MEF2B: variants seen among roughly 807,000 people sequenced by gnomAD.
The protein encoded by MEF2B is myocyte enhancer factor 2B.
Under a neutral mutation model 32.2 loss-of-function variants are expected in MEF2B, and 15 were observed. That is an observed-to-expected ratio of 0.47 (90% confidence interval 0.31 to 0.72). The LOEUF (loss-of-function observed/expected upper bound fraction) is 0.72. MEF2B is among the 30% of genes least tolerant of loss of function. The pLI is 0.05. For missense variants in MEF2B, 441 were observed against 511.5 expected (o/e 0.86, Z 1.33); for synonymous variants, 205 against 225.6 (o/e 0.91, Z 0.82).
At chr19:19,147,627 T>C (rs962471803) in intron 4 of MEF2B, 71 bp downstream of exon 4, 4 of 1,581,576 alleles carry the variant, frequency 2.5e-6, no homozygotes, top group East Asian at 2.2e-5. Context: ...CCTCTCTCAG[T>C]ACCAGCCTCA....
At chr19:19,168,569 G>A (rs1476058950) in intron 1 of MEF2B, among the ~76,000 whole-genome samples, 1 of 151,210 alleles carries the variant, frequency 6.6e-6, no homozygotes, top group African/African-American at 2.4e-5. Flanking sequence ...CACCGCGCCT[G>A]GCCATTTTTT....
At chr19:19,150,567 C>A (rs1176517702) in intron 2 of MEF2B, 115 bp downstream of exon 2, 20 of 1,153,986 alleles carry the variant, frequency 1.7e-5, no homozygotes, top group Non-Finnish European at 2.2e-5. Context: ...GGCATCAGGA[C>A]TCCTCATGCC....
intron 1 of MEF2B, among the ~76,000 whole-genome samples, 169 bp downstream of exon 1, chr19:19,170,036 C>G (rs921346149): frequency 2.0e-5 from 3 of 152,144 alleles, no homozygotes; most frequent in Non-Finnish European, 4.4e-5. Flanking sequence ...GGAGACACAA[C>G]CCCCTCCTGC....
In MEF2B at chr19:19,157,014, G is replaced by A. The variant is rs79970931; in HGVS notation, c.-29-6250C>T. On this transcript the variant is annotated intron_variant, in intron 1 of 8. Coordinates refer to ENST00000424583, the MANE Select transcript of MEF2B (RefSeq NM_001145785.2). The stretch of plus-strand genomic sequence containing the variant: ...AAAAAGTAAAAATTAGCTGCACGCC[G>A]TGGCACACACCTGTAGTCCTGGCTA... 920 of 169,958 alleles carry A rather than the reference G, an allele frequency of 5.4e-3. 5 individuals carry two copies. The highest frequency in any genetic ancestry group is 1.0e-2 in the Middle Eastern group (10 of 1,004). 10.5% of individuals were successfully genotyped at this position (169,958 alleles called of 1,614,324 possible).
intron 1 of MEF2B, among the ~76,000 whole-genome samples, chr19:19,151,158 T>A (rs1012736919): frequency 6.6e-6 from 1 of 151,968 alleles, no homozygotes; most frequent in Non-Finnish European, 1.5e-5. Context: ...GTGGCTGAAG[T>A]AGGATGATCA....
At chr19:19,153,088 C>A (rs2146363440) in intron 1 of MEF2B, among the ~76,000 whole-genome samples, 1 of 152,338 alleles carries the variant, frequency 6.6e-6, no homozygotes, top group East Asian at 1.9e-4. Context: ...GGTCCCAGGG[C>A]CAAGATGACT....
intron 1 of MEF2B, 144 bp from the exon 2 acceptor site, chr19:19,150,908 G>A (rs539098054): frequency 3.9e-5 from 38 of 969,940 alleles, no homozygotes; most frequent in South Asian, 3.0e-4. Flanking sequence ...GGTCACTGTC[G>A]CAGACCCCGC....
At chr19:19,162,829 C>T (rs1209564091) in intron 1 of MEF2B, among the ~76,000 whole-genome samples, 3 of 152,190 alleles carry the variant, frequency 2.0e-5, no homozygotes, top group African/African-American at 4.8e-5. Context: ...ATCCTAAACC[C>T]GCCACTTGCC....
At chr19:19,164,849 T>A (rs1038625190) in intron 1 of MEF2B, among the ~76,000 whole-genome samples, 4 of 152,204 alleles carry the variant, frequency 2.6e-5, no homozygotes, top group Admixed American at 6.5e-5. Flanking sequence ...CCCCTAGTGA[T>A]GTCCCCTAAG....
chr19:19,157,101 G>A (rs12162274), intron 1 of MEF2B: 32,689 of 241,100 alleles, frequency 0.14, 2,646 homozygotes, highest in East Asian at 0.33. Flanking sequence ...AGTGAGCGAT[G>A]ATGATCTTGT....
chr19:19,168,193 G>C (rs2060224419), intron 1 of MEF2B, among the ~76,000 whole-genome samples: 1 of 152,160 alleles, frequency 6.6e-6, no homozygotes, highest in Non-Finnish European at 1.5e-5. Context: ...CAAGGTCCAG[G>C]GGCCCTGCCC....
chr19:19,156,268 A>G (rs1003699811), intron 1 of MEF2B, among the ~76,000 whole-genome samples: 2 of 152,096 alleles, frequency 1.3e-5, no homozygotes, highest in Non-Finnish European at 2.9e-5. Flanking sequence ...TTAAAAAGGT[A>G]ATAAAGTGGG....
At chr19:19,155,071 C>T (rs1388884426) in intron 1 of MEF2B, among the ~76,000 whole-genome samples, 4 of 152,176 alleles carry the variant, frequency 2.6e-5, no homozygotes, top group African/African-American at 9.7e-5. Context: ...GGAACCAAAG[C>T]CATCCTCCAC....
chr19:19,146,960 C>G, intron 5 of MEF2B, 76 bp downstream of exon 5: 3 of 1,564,242 alleles, frequency 1.9e-6, no homozygotes, highest in South Asian at 2.4e-5. Flanking sequence ...ATGCACGCAG[C>G]CTGGCAATGC....
At chr19:19,167,430 G>A (rs930642496) in intron 1 of MEF2B, among the ~76,000 whole-genome samples, 15 of 151,736 alleles carry the variant, frequency 9.9e-5, no homozygotes, top group Non-Finnish European at 2.1e-4. Context: ...GCTGAGGCAG[G>A]AGGATCACTT....
In MEF2B at chr19:19,147,292, C is replaced by T. The variant is rs375607272; in HGVS notation, c.394-109G>A. 12 of 1,162,580 alleles carry T rather than the reference C, an allele frequency of 1.0e-5. 4 individuals are homozygous for T. The East Asian group carries it at 3.4e-4, about 33-fold the overall frequency. 72.0% of individuals were successfully genotyped at this position (1,162,580 alleles called of 1,614,324 possible). The stretch of plus-strand genomic sequence containing the variant: ...GGGGCCCAGCTCTACCTTCAGGAAG[C>T]CTTTGCTCCACCTCCCACCAGGCTC... On this transcript the variant is annotated intron_variant, in intron 4 of 8. Coordinates refer to ENST00000424583, the MANE Select transcript of MEF2B (RefSeq NM_001145785.2).
At position 19,146,338 on chromosome 19, in the gene MEF2B, G is replaced by A; in HGVS notation, c.816C>T (p.Pro272=). ...AGGGCTGCCAGGGGGCCAGGGTGGG[G>A]GGCTGCAACAAGCCAGGGGGCGGTG... ...DPPPPPGLLQ[P]PTLAPWQPSR... Residue 272 remains proline (P), a synonymous_variant, in exon 8 of 9, where the codon CCC becomes CCT. Coordinates refer to ENST00000424583, the MANE Select transcript of MEF2B (RefSeq NM_001145785.2). The A allele has an allele frequency of 8.2e-7, 1 of 1,226,196 alleles. No homozygotes were observed. Among genetic ancestry groups the A allele is most frequent in the Non-Finnish European group, 1.1e-6 (1 of 932,104 alleles). 76.0% of individuals were successfully genotyped at this position (1,226,196 alleles called of 1,614,324 possible).
At chr19:19,148,680 CTTATTTATTTATTTATTTATTTAT>C (rs200858994) in intron 3 of MEF2B, among the ~76,000 whole-genome samples, 1 of 142,160 alleles carries the variant, frequency 7.0e-6, no homozygotes, top group African/African-American at 2.6e-5. Flanking sequence ...ACTCCTCTGT[CTTATTTATTTATTTATTTATTTAT>C]TTATTTATTT....
chr19:19,157,443 C>T (rs1210126197), intron 1 of MEF2B, among the ~76,000 whole-genome samples: 1 of 152,196 alleles, frequency 6.6e-6, no homozygotes, highest in Non-Finnish European at 1.5e-5. Flanking sequence ...TCTCGCTGCA[C>T]ACAACCACGT....
Sources: allele counts gnomAD v4.1 joint callset (sites outside exome capture counted in the v4.1 genomes callset), GRCh38; gene constraint gnomAD v4.1.1; transcripts MANE v1.5; gene names NCBI Gene and HGNC (gene_info 2026-07-23, HGNC 2026-07-21).